Variants in RNF220 observed in about 807,000 individuals in gnomAD.
RNF220 encodes E3 ubiquitin-protein ligase RNF220.
RNF220 carries 7 observed loss-of-function variants against 67.1 expected under a neutral mutation model. That is an observed-to-expected ratio of 0.10 (90% CI 0.06 to 0.20). The LOEUF (loss-of-function observed/expected upper bound fraction) is 0.20. RNF220 is among the 10% of genes least tolerant of loss of function. RNF220 has a pLI of 1.00. For missense variants in RNF220, 565 were observed against 740.3 expected, an observed-to-expected ratio of 0.76 and a Z score of 2.75; for synonymous variants, 270 against 283.2, an observed-to-expected ratio of 0.95 and a Z score of 0.47.
intron 2 of RNF220, among the ~76,000 whole-genome samples, chr1:44,586,929 T>G (rs1665740387): frequency 6.6e-6 from 1 of 152,028 alleles, no homozygotes; most frequent in South Asian, 2.1e-4. Context: ...TTACATGGGG[T>G]TCTCAGTAAC....
At chr1:44,535,725 T>C (rs1274567111) in intron 2 of RNF220, among the ~76,000 whole-genome samples, 4 of 152,204 alleles carry the variant, frequency 2.6e-5, no homozygotes, top group African/African-American at 9.7e-5. Context: ...GCGCAGCTCC[T>C]GGGTGACTAC....
intron 2 of RNF220, among the ~76,000 whole-genome samples, chr1:44,538,467 G>A (rs1185998603): frequency 1.3e-5 from 2 of 152,124 alleles, no homozygotes; most frequent in Non-Finnish European, 2.9e-5. Flanking sequence ...AAGTGAGCTG[G>A]CTGGTATGGC....
In RNF220 at chr1:44,504,035, G is replaced by T. The variant is rs1007366061; in HGVS notation, c.625+91313G>T. Among the ~76,000 whole-genome samples, 3 of 152,078 alleles carry T rather than the reference G, an allele frequency of 2.0e-5. No homozygotes were observed. In the East Asian group the frequency reaches 5.8e-4, roughly 29 times the overall value. ...CAGCTAATTGTTTTTATTTTTAGTAGAGATGGGTTTCACTGTGTTAGCCAG... is the reference window on the plus strand; with the variant it reads ...CAGCTAATTGTTTTTATTTTTAGTATAGATGGGTTTCACTGTGTTAGCCAG... On this transcript the variant is annotated intron_variant, in intron 2 of 14. Coordinates refer to ENST00000361799, the MANE Select transcript of RNF220 (RefSeq NM_018150.4).
chr1:44,418,684 T>C (rs193015616), intron 2 of RNF220, among the ~76,000 whole-genome samples: 333 of 152,138 alleles, frequency 2.2e-3, no homozygotes, highest in African/African-American at 7.2e-3. Context: ...ATAACAAAAG[T>C]TGCTGTCCCT....
At position 44,636,003 on chromosome 1, in the gene RNF220, A is replaced by G. The variant is rs184919778; in HGVS notation, c.994-27A>G. 2.2e-3 allele frequency: 3,616 copies of G among 1,614,156 alleles called. 9 individuals carry two copies. The highest frequency in any genetic ancestry group is 2.8e-3 in the Non-Finnish European group (3,297 of 1,179,992). On this transcript the variant is annotated intron_variant, in intron 7 of 14. Coordinates refer to ENST00000361799, the MANE Select transcript of RNF220 (RefSeq NM_018150.4). ...GAGCAGGTGGGGATGGCCTGGGCCCAGCATGATCCTGCTCTGCTCTTCACA... is the reference window on the plus strand; with the variant it reads ...GAGCAGGTGGGGATGGCCTGGGCCCGGCATGATCCTGCTCTGCTCTTCACA...
At chr1:44,457,798 A>G (rs1484713938) in intron 2 of RNF220, among the ~76,000 whole-genome samples, 23 of 152,162 alleles carry the variant, frequency 1.5e-4, no homozygotes. Context: ...TACCACATAT[A>G]CTACATATAT....
At chr1:44,463,478 G>T (rs1367914674) in intron 2 of RNF220, among the ~76,000 whole-genome samples, 1 of 151,622 alleles carries the variant, frequency 6.6e-6, no homozygotes, top group Non-Finnish European at 1.5e-5. Context: ...GTTGTGAAAT[G>T]ATTTGTCGTT....
chr1:44,604,009 G>A (rs1184557793), intron 2 of RNF220, among the ~76,000 whole-genome samples: 2 of 152,242 alleles, frequency 1.3e-5, no homozygotes, highest in Non-Finnish European at 2.9e-5. Flanking sequence ...GAACCAGCAG[G>A]GGGTAAAGCA....
chr1:44,635,610 C>T (rs760020143), intron 7 of RNF220, 22 bp downstream of exon 7: 2 of 1,614,172 alleles, frequency 1.2e-6, no homozygotes, highest in Non-Finnish European at 1.7e-6. Flanking sequence ...GTGCAACCGC[C>T]CCCTGGCAGG....
chr1:44,464,278 T>G (rs1410628103), intron 2 of RNF220, among the ~76,000 whole-genome samples: 1 of 152,226 alleles, frequency 6.6e-6, no homozygotes, highest in Non-Finnish European at 1.5e-5. Flanking sequence ...CTCTAAGCTG[T>G]GGATTAGGTC....
intron 2 of RNF220, among the ~76,000 whole-genome samples, chr1:44,517,295 C>G: frequency 6.6e-6 from 1 of 152,158 alleles, no homozygotes; most frequent in East Asian, 1.9e-4. Flanking sequence ...GACCTGCCCC[C>G]TGTCTTCCCG....
At chr1:44,423,965 A>G (rs1189600150) in intron 2 of RNF220, 2 of 985,028 alleles carry the variant, frequency 2.0e-6, no homozygotes, top group African/African-American at 1.8e-5. Flanking sequence ...GGGCCTCTGT[A>G]CTCCACCATC....
chr1:44,453,753 C>A (rs1652908796), intron 2 of RNF220, among the ~76,000 whole-genome samples: 1 of 151,810 alleles, frequency 6.6e-6, no homozygotes, highest in Non-Finnish European at 1.5e-5. Flanking sequence ...TTTATGCTAT[C>A]TTTGTCTATT....
chr1:44,516,368 C>T (rs573545639), intron 2 of RNF220, among the ~76,000 whole-genome samples: 21 of 152,166 alleles, frequency 1.4e-4, no homozygotes, highest in Non-Finnish European at 2.8e-4. Context: ...AGGAAGACTT[C>T]ACAGAATTAG....
At chr1:44,430,298 T>A (rs1039970497) in intron 2 of RNF220, among the ~76,000 whole-genome samples, 3 of 152,026 alleles carry the variant, frequency 2.0e-5, no homozygotes, top group African/African-American at 7.2e-5. Flanking sequence ...ATTTAGTTTA[T>A]GATTTTAAAA....
intron 2 of RNF220, among the ~76,000 whole-genome samples, chr1:44,559,025 G>T (rs554203669): frequency 4.7e-4 from 72 of 152,318 alleles, no homozygotes; most frequent in African/African-American, 1.7e-3. Context: ...ACTCCGTGAG[G>T]GCAGAGACAA....
intron 2 of RNF220, among the ~76,000 whole-genome samples, chr1:44,506,426 A>G (rs1175216922): frequency 2.6e-5 from 4 of 152,208 alleles, no homozygotes; most frequent in South Asian, 2.1e-4. Context: ...TGCCATACAC[A>G]TATTTCCCTT....
chr1:44,645,585 T>C lies in RNF220; in HGVS notation c.1445+97T>C. The C allele has an allele frequency of 3.2e-6, 4 of 1,255,874 alleles. No individual in the cohort carries two copies. The highest frequency in any genetic ancestry group is 4.6e-6 in the Non-Finnish European group (4 of 878,440). The allele number at this position is 1,255,874 out of a possible 1,614,324, so 77.8% of individuals were successfully genotyped here. A position where few individuals can be genotyped will look rare whatever the true frequency, so the allele number is the denominator to read the frequency against. ...GGCCTGCTGCCAGGGCTTCTGGCCC[T>C]CCCAAGTGCAGCTCAGTGCTGCTGC... On this transcript the variant is annotated intron_variant, in intron 12 of 14. Transcript: ENST00000361799. This position sits in a 1 kb window ranked among gnomAD's most constrained non-coding sequence, Gnocchi z 5.0.
chr1:44,511,830 C>A (rs1172503941), intron 2 of RNF220, among the ~76,000 whole-genome samples: 2 of 152,046 alleles, frequency 1.3e-5, no homozygotes, highest in Admixed American at 1.3e-4. Context: ...AAATGTTCAT[C>A]CAGTCAGTTT....
Sources: gnomAD v4.1 joint callset for allele counts (sites outside exome capture counted in the v4.1 genomes callset) on GRCh38, gnomAD v4.1.1 for gene constraint, Gnocchi (gnomAD v3.1) non-coding constraint, MANE v1.5 for transcripts, NCBI Gene and HGNC (gene_info 2026-07-23, HGNC 2026-07-21) for gene names.